The following PM20D2 variants were observed in gnomAD, a reference collection of about 807,000 sequenced individuals.
The protein encoded by PM20D2 is xaa-Arg dipeptidase.
PM20D2 carries 33 observed loss-of-function variants against 42.9 expected under a neutral mutation model. That is an observed-to-expected ratio of 0.77 (90% confidence interval 0.58 to 1.03). The LOEUF (loss-of-function observed/expected upper bound fraction) is 1.03, where lower values mean the gene tolerates loss of function less well. PM20D2 is among the 50% of genes least tolerant of loss of function. The probability of loss-of-function intolerance (pLI) is 0.00; values close to 1 mark genes in which losing one functional copy is unlikely to be tolerated. For missense variants in PM20D2, 548 were observed against 557.0 expected (o/e 0.98, Z 0.16); for synonymous variants, 250 against 228.2 (o/e 1.10, Z -0.86).
chr6:89,145,837 T>G (rs1770512208), upstream of PM20D2, among the ~76,000 whole-genome samples: 1 of 152,218 alleles, frequency 6.6e-6, no homozygotes, highest in Admixed American at 6.5e-5. Context: ...AAGTAATCGA[T>G]AATCTTAGAG....
the PM20D2 span, among the ~76,000 whole-genome samples, chr6:89,110,692 A>G: frequency 6.6e-6 from 1 of 152,210 alleles, no homozygotes; most frequent in South Asian, 2.1e-4. Flanking sequence ...CCCTGCCTCC[A>G]GACCCTATTC....
chr6:89,105,433 G>A, the PM20D2 span: 5 of 1,602,880 alleles, frequency 3.1e-6, no homozygotes, highest in Non-Finnish European at 4.3e-6. Context: ...TTACTTTTGC[G>A]ATCACCTTGT....
At chr6:89,100,304 A>G in the PM20D2 span, among the ~76,000 whole-genome samples, 1 of 152,242 alleles carries the variant, frequency 6.6e-6, no homozygotes, top group East Asian at 1.9e-4. Context: ...AATGAGGAAC[A>G]TTAGGTAACA....
chr6:89,128,893 T>A, the PM20D2 span, among the ~76,000 whole-genome samples: 1 of 152,214 alleles, frequency 6.6e-6, no homozygotes, highest in East Asian at 1.9e-4. Flanking sequence ...TATCTATATG[T>A]GGCTGGTGAC....
the PM20D2 span, among the ~76,000 whole-genome samples, chr6:89,131,636 C>T: frequency 2.0e-5 from 3 of 152,090 alleles, no homozygotes; most frequent in African/African-American, 7.2e-5. Flanking sequence ...ACTGGAGAGG[C>T]CTTAAAAGTT....
chr6:89,154,130 G>A (rs1224472311), intron 3 of PM20D2, among the ~76,000 whole-genome samples: 1 of 152,168 alleles, frequency 6.6e-6, no homozygotes, highest in East Asian at 1.9e-4. Context: ...AAACAGGAAT[G>A]TGTAGAAATA....
At chr6:89,145,750 C>T (rs746202183), upstream of PM20D2, among the ~76,000 whole-genome samples, 6 of 152,192 alleles carry the variant, frequency 3.9e-5, no homozygotes, top group Non-Finnish European at 8.8e-5. Flanking sequence ...GACTGTGTTC[C>T]ACTTGGTCTG....
intron 2 of PM20D2, among the ~76,000 whole-genome samples, chr6:89,152,469 T>C (rs1326276783): frequency 1.3e-5 from 2 of 152,214 alleles, no homozygotes; most frequent in African/African-American, 4.8e-5. Context: ...TAACAGTTTA[T>C]TAAAATGTAA....
At position 89,162,150 on chromosome 6, in the gene PM20D2, G is replaced by A; in HGVS notation, c.1198G>A (p.Ala400Thr). The change falls in exon 7 of 7, where the codon GCT becomes ACT. Residue 400 changes from alanine to threonine, a missense_variant. Physicochemically the swap from Ala to Thr is moderately conservative, Grantham distance 58. Coordinates refer to ENST00000275072, the MANE Select transcript of PM20D2 (RefSeq NM_001010853.3). Reference sequence around the variant, plus strand: ...GTTCTACACTCTGCGGACGGCCAAAGCTCTGGCAATGACGGCACTGGATGT... The same window carrying A: ...GTTCTACACTCTGCGGACGGCCAAAACTCTGGCAATGACGGCACTGGATGT... ...AQFYTLRTAK[A>T]LAMTALDVIF... 7 of 1,614,172 alleles carry A rather than the reference G, an allele frequency of 4.3e-6. No homozygotes were observed. Among genetic ancestry groups the A allele is most frequent in the Non-Finnish European group, 5.9e-6 (7 of 1,180,004 alleles).
chr6:89,126,025 G>T, the PM20D2 span, among the ~76,000 whole-genome samples: 1 of 152,138 alleles, frequency 6.6e-6, no homozygotes, highest in South Asian at 2.1e-4. Flanking sequence ...GGTGGAGGTT[G>T]CAGTTAGCTG....
At chr6:89,155,161 T>G (rs1770995838) in intron 4 of PM20D2, among the ~76,000 whole-genome samples, 1 of 152,044 alleles carries the variant, frequency 6.6e-6, no homozygotes, top group African/African-American at 2.4e-5. Flanking sequence ...AATCCCTGCC[T>G]TTTTACAAGT....
chr6:89,146,195 C>T lies in PM20D2; in HGVS notation c.51C>T (p.Arg17=), dbSNP rs776772000. ...TGGAAGGGGGCGCGTGCAATGGCCG[C>T]TCCGAGCTGGAGCTACTGAAGCTGC... is the stretch of plus-strand genomic sequence containing the variant. The part of the protein sequence containing the change: ...RPVEGGACNG[R]SELELLKLRS... The change falls in exon 1 of 7, where the codon CGC becomes CGT. Residue 17 remains arginine (R), a synonymous_variant. Coordinates refer to ENST00000275072, the MANE Select transcript of PM20D2 (RefSeq NM_001010853.3). 23 of 1,549,808 alleles carry T rather than the reference C, an allele frequency of 1.5e-5. No individual in the cohort carries two copies. The highest frequency in any genetic ancestry group is 1.8e-5 in the Non-Finnish European group (21 of 1,155,906).
At chr6:89,125,048 T>A in the PM20D2 span, among the ~76,000 whole-genome samples, 1 of 152,112 alleles carries the variant, frequency 6.6e-6, no homozygotes, top group Non-Finnish European at 1.5e-5. Context: ...CATCAAGATT[T>A]TTTAAGCAGG....
chr6:89,107,263 A>G, the PM20D2 span: 29 of 1,610,090 alleles, frequency 1.8e-5, no homozygotes, highest in Non-Finnish European at 2.4e-5. Flanking sequence ...TCAGGCCTGA[A>G]GTGTTTTAGA....
At chr6:89,098,933 C>T in the PM20D2 span, 24 of 1,612,862 alleles carry the variant, frequency 1.5e-5, no homozygotes, top group East Asian at 2.0e-4. Context: ...ATAAGAAAAT[C>T]GCCTGTGTCG....
At position 89,163,848 on chromosome 6, in the gene PM20D2, A is replaced by G. The variant is rs1771326202; in HGVS notation, c.*1585A>G. On this transcript the variant is annotated 3_prime_UTR_variant, in exon 7 of 7. Coordinates refer to ENST00000275072, the MANE Select transcript of PM20D2 (RefSeq NM_001010853.3). ...ACTGAAACCTTTTTCTCAAATACCA[A>G]CTCTTGGCTATGTTAAATTTGTAGA... 1 of 151,888 alleles carries G rather than the reference A, an allele frequency of 6.6e-6. No homozygotes were observed. The highest frequency in any genetic ancestry group is 2.1e-4 in the South Asian group (1 of 4,820). The allele number at this position is 151,888 out of a possible 1,614,324, so 9.4% of individuals were successfully genotyped here.
In PM20D2 at chr6:89,162,511, T is replaced by A. The variant is rs1251513564; in HGVS notation, c.*248T>A. On this transcript the variant is annotated 3_prime_UTR_variant, in exon 7 of 7. Coordinates refer to ENST00000275072, the MANE Select transcript of PM20D2 (RefSeq NM_001010853.3). ...TGTGATGCCATTCTTTCTTTTTTTT[T>A]ACCCCGCAACCACTCACCTTCACAG... 6 of 316,424 alleles carry A rather than the reference T, an allele frequency of 1.9e-5. No homozygotes were observed. Among genetic ancestry groups the A allele is most frequent in the Non-Finnish European group, 2.3e-5 (4 of 172,972 alleles). The allele number at this position is 316,424 out of a possible 1,614,324, so 19.6% of individuals were successfully genotyped here. A position where few individuals can be genotyped will look rare whatever the true frequency, so the allele number is the denominator to read the frequency against.
At chr6:89,126,821 G>A in the PM20D2 span, among the ~76,000 whole-genome samples, 23 of 152,104 alleles carry the variant, frequency 1.5e-4, no homozygotes, top group African/African-American at 5.1e-4. Flanking sequence ...CTTTTTGGAA[G>A]TGTGGCTGAT....
At chr6:89,122,318 A>T in the PM20D2 span, among the ~76,000 whole-genome samples, 1 of 152,196 alleles carries the variant, frequency 6.6e-6, no homozygotes, top group East Asian at 1.9e-4. Context: ...GTGGGAGAAG[A>T]GTTTGGGTTA....
Sources: gnomAD v4.1 joint callset for allele counts (sites outside exome capture counted in the v4.1 genomes callset) on GRCh38, gnomAD v4.1.1 for gene constraint, MANE v1.5 for transcripts, NCBI Gene and HGNC (gene_info 2026-07-23, HGNC 2026-07-21) for gene names.